Variants in MECOM observed in about 807,000 individuals in gnomAD.
MECOM encodes histone-lysine N-methyltransferase MECOM.
MECOM carries 13 observed loss-of-function variants against 116.3 expected under a neutral mutation model. That is an observed-to-expected ratio of 0.11 (90% CI 0.07 to 0.18). The LOEUF is 0.18. MECOM is among the 10% of genes least tolerant of loss of function. The pLI is 1.00. For synonymous variants in MECOM, 528 were observed against 535.2 expected, an observed-to-expected ratio of 0.99 and a Z score of 0.19; for missense variants, 1,299 against 1,509.0, an observed-to-expected ratio of 0.86 and a Z score of 2.31.
chr3:169,164,350 C>G (rs1231559193), intron 2 of MECOM, among the ~76,000 whole-genome samples: 2 of 152,150 alleles, frequency 1.3e-5, no homozygotes, highest in Non-Finnish European at 2.9e-5. Flanking sequence ...GCCTTCCACC[C>G]TGTTGTGAGG....
intron 2 of MECOM, among the ~76,000 whole-genome samples, chr3:169,295,512 T>G (rs1715418883): frequency 6.6e-6 from 1 of 152,250 alleles, no homozygotes; most frequent in South Asian, 2.1e-4. Flanking sequence ...GTTGAGATTT[T>G]TATAAATGAA....
At chr3:169,195,824 C>T (rs1748340939) in intron 2 of MECOM, among the ~76,000 whole-genome samples, 1 of 152,000 alleles carries the variant, frequency 6.6e-6, no homozygotes, top group South Asian at 2.1e-4. Flanking sequence ...ATTGATGAAT[C>T]CTCGCTCTGT....
chr3:169,595,363 T>C (rs1205872066), intron 1 of MECOM, among the ~76,000 whole-genome samples: 1 of 152,192 alleles, frequency 6.6e-6, no homozygotes, highest in Non-Finnish European at 1.5e-5. Context: ...TAAATCTTAA[T>C]TAAAGCTGTT....
intron 1 of MECOM, among the ~76,000 whole-genome samples, chr3:169,408,876 G>A (rs1328352480): frequency 6.6e-6 from 1 of 151,946 alleles, no homozygotes; most frequent in Non-Finnish European, 1.5e-5. Context: ...AAACAGAATA[G>A]GTAAAGTGTC....
At chr3:169,352,888 CT>C (rs2149809232) in intron 2 of MECOM, among the ~76,000 whole-genome samples, 1 of 151,958 alleles carries the variant, frequency 6.6e-6, no homozygotes, top group East Asian at 1.9e-4. Flanking sequence ...AAAAATGTCC[CT>C]CTCAAGTACA....
At chr3:169,207,037 A>C (rs1190725936) in intron 2 of MECOM, among the ~76,000 whole-genome samples, 2 of 152,224 alleles carry the variant, frequency 1.3e-5, no homozygotes, top group Non-Finnish European at 2.9e-5. Context: ...AGCATAAAGA[A>C]CAAAAATATC....
chr3:169,349,419 G>T (rs1725927224), intron 2 of MECOM, among the ~76,000 whole-genome samples: 1 of 151,738 alleles, frequency 6.6e-6, no homozygotes, highest in African/African-American at 2.4e-5. Flanking sequence ...TCTAGTGGGG[G>T]GCCCTCCTAT....
intron 2 of MECOM, among the ~76,000 whole-genome samples, chr3:169,321,494 T>C (rs547074088): frequency 6.6e-6 from 1 of 152,170 alleles, no homozygotes; most frequent in Non-Finnish European, 1.5e-5. Flanking sequence ...TGAGCTGAGA[T>C]TGCAACACTG....
At chr3:169,302,215 T>C (rs1022947897) in intron 2 of MECOM, among the ~76,000 whole-genome samples, 2 of 152,230 alleles carry the variant, frequency 1.3e-5, no homozygotes, top group African/African-American at 4.8e-5. Flanking sequence ...CACATGTCCA[T>C]GTATCAAGTC....
intron 1 of MECOM, among the ~76,000 whole-genome samples, chr3:169,503,850 G>A (rs1310142463): frequency 6.6e-6 from 1 of 152,172 alleles, no homozygotes; most frequent in Non-Finnish European, 1.5e-5. Flanking sequence ...AAAATAAGTT[G>A]TGATTTCAAA....
intron 2 of MECOM, among the ~76,000 whole-genome samples, chr3:169,184,177 A>G (rs1746417061): frequency 6.6e-6 from 1 of 152,094 alleles, no homozygotes; most frequent in South Asian, 2.1e-4. Context: ...ACTGTAGAAG[A>G]TATTTATGAT....
chr3:169,535,073 G>A (rs1354790027), intron 1 of MECOM, among the ~76,000 whole-genome samples: 3 of 152,298 alleles, frequency 2.0e-5, no homozygotes, highest in East Asian at 1.9e-4. Flanking sequence ...CACAGACAGA[G>A]GGATCTGAAA....
intron 1 of MECOM, among the ~76,000 whole-genome samples, chr3:169,413,708 A>T (rs1223995021): frequency 2.0e-5 from 3 of 151,980 alleles, no homozygotes; most frequent in Non-Finnish European, 4.4e-5. Context: ...TGGGGGAGGG[A>T]TGTCTGCCAT....
chr3:169,473,894 A>G (rs889021147), intron 1 of MECOM, among the ~76,000 whole-genome samples: 2 of 147,124 alleles, frequency 1.4e-5, no homozygotes, highest in African/African-American at 5.2e-5. Flanking sequence ...AGTATTCATT[A>G]TATCTATAGA....
intron 1 of MECOM, among the ~76,000 whole-genome samples, chr3:169,439,585 G>A (rs779550231): frequency 6.6e-6 from 1 of 152,080 alleles, no homozygotes; most frequent in Non-Finnish European, 1.5e-5. Flanking sequence ...GGCAAATAGG[G>A]TAATACCAAG....
chr3:169,177,507 C>CA (rs1745340190), intron 2 of MECOM, among the ~76,000 whole-genome samples: 1 of 151,924 alleles, frequency 6.6e-6, no homozygotes, highest in Non-Finnish European at 1.5e-5. Context: ...GAGGACAGGT[C>CA]AATAGGTGCA....
At chr3:169,518,643 A>G (rs1388272610) in intron 1 of MECOM, among the ~76,000 whole-genome samples, 1 of 152,168 alleles carries the variant, frequency 6.6e-6, no homozygotes, top group African/African-American at 2.4e-5. Context: ...CATTTTACAG[A>G]TTCTCATAAT....
At chr3:169,479,677 A>T (rs1037491812) in intron 1 of MECOM, among the ~76,000 whole-genome samples, 8 of 122,922 alleles carry the variant, frequency 6.5e-5, no homozygotes, top group Non-Finnish European at 1.2e-4. Flanking sequence ...AAAAAAAAAA[A>T]TTTGCCTGAT....
intron 1 of MECOM, among the ~76,000 whole-genome samples, chr3:169,613,128 T>C (rs967940823): frequency 2.0e-5 from 3 of 152,218 alleles, no homozygotes; most frequent in Non-Finnish European, 2.9e-5. Flanking sequence ...AAAATATTAT[T>C]TCAGTGGCAA....
Sources: gnomAD v4.1 joint callset for allele counts (sites outside exome capture counted in the v4.1 genomes callset) on GRCh38, gnomAD v4.1.1 for gene constraint, MANE v1.5 for transcripts, NCBI Gene and HGNC (gene_info 2026-07-23, HGNC 2026-07-21) for gene names.